Variants in CGGBP1 observed in about 807,000 individuals in gnomAD.
The protein encoded by CGGBP1 is CGG triplet repeat binding protein 1.
A neutral mutation model predicts 11.4 loss-of-function variants in CGGBP1; 4 were observed. That is an observed-to-expected ratio of 0.35 (90% CI 0.17 to 0.80). The LOEUF is 0.80. Ranked by LOEUF, CGGBP1 falls within the 30% of genes least tolerant of loss-of-function variation. The pLI is 0.52. For missense variants in CGGBP1, 135 were observed against 202.1 expected (o/e 0.67, Z 2.01); for synonymous variants, 76 against 74.1 (o/e 1.03, Z -0.13).
At chr3:88,065,670 A>G (rs1427818395) in intron 2 of CGGBP1, among the ~76,000 whole-genome samples, 1 of 152,082 alleles carries the variant, frequency 6.6e-6, no homozygotes, top group Admixed American at 6.6e-5. Context: ...TCAAAGAAAA[A>G]ATAAAGTATA....
intron 2 of CGGBP1, among the ~76,000 whole-genome samples, chr3:88,123,163 C>G (rs1705883389): frequency 6.6e-6 from 1 of 152,044 alleles, no homozygotes; most frequent in African/African-American, 2.4e-5. Context: ...AGCCACTATT[C>G]TATTTAAGGA....
upstream of CGGBP1, among the ~76,000 whole-genome samples, chr3:88,063,348 A>G (rs1706996810): frequency 6.6e-6 from 1 of 152,208 alleles, no homozygotes; most frequent in Admixed American, 6.5e-5. Flanking sequence ...ATGATCCTCA[A>G]ATAGTTTTTA....
chr3:88,070,581 T>A (rs1396491894), intron 2 of CGGBP1, among the ~76,000 whole-genome samples: 1 of 61,052 alleles, frequency 1.6e-5, no homozygotes, highest in Non-Finnish European at 4.6e-5. Context: ...TTTTTTTTTT[T>A]TTTTTTTTGC....
intron 2 of CGGBP1, among the ~76,000 whole-genome samples, chr3:88,066,583 A>C (rs1707213151): frequency 6.6e-6 from 1 of 151,888 alleles, no homozygotes; most frequent in South Asian, 2.1e-4. Context: ...AACAAACAAA[A>C]AAAACAAAAA....
intron 2 of CGGBP1, chr3:88,138,690 T>C: frequency 1.6e-6 from 2 of 1,227,942 alleles, no homozygotes; most frequent in Non-Finnish European, 2.0e-6. Flanking sequence ...AGCACTAATA[T>C]TTTTCTTTTT....
At chr3:88,115,475 C>T (rs1705334796) in intron 2 of CGGBP1, among the ~76,000 whole-genome samples, 1 of 152,168 alleles carries the variant, frequency 6.6e-6, no homozygotes, top group South Asian at 2.1e-4. Context: ...GATCATGTCA[C>T]TGTTTTTAAG....
rs1290648260 is a variant in CGGBP1, at chr3:88,108,170, G to GA, written c.-229+32799_-229+32800insT. ...TTGACCATGTAGGTATATGAATTCA[G>GA]GTCACGACCTACATGAGAAGATTTT... On this transcript the variant is annotated intron_variant, in intron 2 of 3. Transcript: ENST00000462901. Among the ~76,000 whole-genome samples the GA allele has an allele frequency of 1.7e-3, 264 of 151,940 alleles. 1 individual carries two copies. Among genetic ancestry groups the GA allele is most frequent in the African/African-American group, 5.2e-3 (214 of 41,470 alleles).
chr3:88,134,804 TG>T (rs915905755), intron 2 of CGGBP1, among the ~76,000 whole-genome samples: 2 of 152,098 alleles, frequency 1.3e-5, no homozygotes, highest in African/African-American at 4.8e-5. Flanking sequence ...GATCTGATAC[TG>T]GAGACATCTT....
chr3:88,148,725 C>T (rs752778985), intron 1 of CGGBP1, among the ~76,000 whole-genome samples: 6 of 152,212 alleles, frequency 3.9e-5, no homozygotes, highest in Non-Finnish European at 5.9e-5. Flanking sequence ...ACTATAACCT[C>T]TGCCTCCAGA....
chr3:88,065,833 TC>T, intron 2 of CGGBP1, among the ~76,000 whole-genome samples: 1 of 152,136 alleles, frequency 6.6e-6, no homozygotes, highest in Non-Finnish European at 1.5e-5. Flanking sequence ...CTAAAGCGCT[TC>T]TCAGCACCCA....
intron 3 of CGGBP1, chr3:88,056,296 C>T: frequency 4.6e-6 from 1 of 216,660 alleles, no homozygotes; most frequent in Non-Finnish European, 9.1e-6. Context: ...TTAGGGAAAC[C>T]TAATCACAGT....
intron 2 of CGGBP1, among the ~76,000 whole-genome samples, chr3:88,134,797 C>A (rs1706673651): frequency 6.6e-6 from 1 of 151,980 alleles, no homozygotes; most frequent in Non-Finnish European, 1.5e-5. Flanking sequence ...CTGTTTTGAT[C>A]TGATACTGGA....
intron 2 of CGGBP1, among the ~76,000 whole-genome samples, chr3:88,100,382 A>C (rs1704338234): frequency 1.3e-5 from 2 of 152,192 alleles, no homozygotes; most frequent in Non-Finnish European, 2.9e-5. Context: ...GTGGGACTGT[A>C]AACTAGTTCA....
At chr3:88,101,359 A>G (rs1310676537) in intron 2 of CGGBP1, among the ~76,000 whole-genome samples, 7 of 152,170 alleles carry the variant, frequency 4.6e-5, no homozygotes, top group African/African-American at 1.7e-4. Flanking sequence ...CATTTCATAT[A>G]AATGATATCA....
chr3:88,125,453 T>C (rs1706042226), intron 2 of CGGBP1, among the ~76,000 whole-genome samples: 1 of 152,176 alleles, frequency 6.6e-6, no homozygotes, highest in African/African-American at 2.4e-5. Context: ...ACCTAGAAAA[T>C]GTATGGACAA....
intron 2 of CGGBP1, among the ~76,000 whole-genome samples, chr3:88,107,629 C>T (rs572948244): frequency 3.3e-5 from 5 of 152,214 alleles, no homozygotes; most frequent in African/African-American, 4.8e-5. Context: ...TATACTCCAC[C>T]TCTGTGTTCC....
intron 2 of CGGBP1, among the ~76,000 whole-genome samples, chr3:88,128,374 T>C (rs922575914): frequency 2.0e-5 from 3 of 152,124 alleles, no homozygotes; most frequent in Admixed American, 2.0e-4. Context: ...CTATAATTAA[T>C]GTGAACTAAC....
chr3:88,063,173 T>C (rs1262621638), upstream of CGGBP1, among the ~76,000 whole-genome samples: 1 of 152,152 alleles, frequency 6.6e-6, no homozygotes, highest in African/African-American at 2.4e-5. Context: ...CTAGAGATGC[T>C]ACTGAACATC....
At chr3:88,065,916 G>A (rs1163954600) in intron 2 of CGGBP1, among the ~76,000 whole-genome samples, 1 of 152,098 alleles carries the variant, frequency 6.6e-6, no homozygotes, top group Admixed American at 6.5e-5. Flanking sequence ...TGTAGTTTTA[G>A]TAGAGACGAG....
Sources: allele counts gnomAD v4.1 joint callset (sites outside exome capture counted in the v4.1 genomes callset), GRCh38; gene constraint gnomAD v4.1.1; transcripts MANE v1.5; gene names NCBI Gene and HGNC (gene_info 2026-07-23, HGNC 2026-07-21).